CSMD1: variants seen among roughly 807,000 people sequenced by gnomAD.
CSMD1 encodes CUB and Sushi multiple domains 1.
In CSMD1, 213 loss-of-function variants were observed where a neutral mutation model predicts 417.5. The ratio of observed to expected loss-of-function variants is 0.51; its 90% confidence interval spans 0.46 to 0.57. CSMD1 has a LOEUF of 0.57. CSMD1 is among the 20% of genes least tolerant of loss of function. The pLI, the probability that CSMD1 is intolerant of heterozygous loss-of-function variation, is 0.00. For missense variants in CSMD1, 6,923 were observed against 4,529.7 expected (o/e 1.53, Z -15.17); for synonymous variants, 2,862 against 1,736.8 (o/e 1.65, Z -16.11).
chr8:3,041,030 GTAAA>G, intron 50 of CSMD1, among the ~76,000 whole-genome samples: 1 of 151,946 alleles, frequency 6.6e-6, no homozygotes, highest in African/African-American at 2.4e-5. Flanking sequence ...CTTCATATCG[GTAAA>G]TAAATTATCA....
intron 3 of CSMD1, among the ~76,000 whole-genome samples, chr8:4,212,722 T>C (rs562372793): frequency 2.3e-4 from 34 of 148,790 alleles, no homozygotes; most frequent in African/African-American, 8.6e-4. Context: ...TATGAAACAT[T>C]GTGAAAAGTT....
intron 18 of CSMD1, among the ~76,000 whole-genome samples, chr8:3,382,357 T>C (rs1241392129): frequency 1.4e-5 from 2 of 146,436 alleles, no homozygotes; most frequent in Non-Finnish European, 3.0e-5. Flanking sequence ...TGTATATTTA[T>C]TATTAGCATT....
chr8:3,490,416 T>C (rs143829647), intron 11 of CSMD1, among the ~76,000 whole-genome samples: 1 of 152,334 alleles, frequency 6.6e-6, no homozygotes, highest in East Asian at 1.9e-4. Flanking sequence ...AGGGATTTCA[T>C]AAGGCATTAC....
In CSMD1 at chr8:3,611,750, G is replaced by A. The variant is rs536264309; in HGVS notation, c.1097+4960C>T. The stretch of plus-strand genomic sequence containing the variant: ...TTTTGTAAATAATGTATAGGACAAT[G>A]TATAAATATTTGAAAGAACTCATAA... On this transcript the variant is annotated intron_variant, in intron 8 of 69. Transcript: ENST00000635120. Among the ~76,000 whole-genome samples the A allele has an allele frequency of 5.9e-5, 9 of 152,054 alleles. No homozygotes were observed. In the South Asian group the frequency reaches 1.2e-3, roughly 21 times the overall value.
intron 54 of CSMD1, among the ~76,000 whole-genome samples, chr8:2,991,844 A>G (rs1563213540): frequency 1.3e-5 from 2 of 152,188 alleles, no homozygotes; most frequent in African/African-American, 4.8e-5. Flanking sequence ...GCTGTTTTTA[A>G]TAAATTCCAC....
chr8:4,825,430 A>C lies in CSMD1; in HGVS notation c.85+168902T>G, dbSNP rs79793022. On this transcript the variant is annotated intron_variant, in intron 1 of 69. Coordinates refer to ENST00000635120, the MANE Select transcript of CSMD1 (RefSeq NM_033225.6). ...GATGGTGACTCTAGGCACAGTGTAG[A>C]CCAGCAGTTTTCTAGAACTTACTCA... Among the ~76,000 whole-genome samples, 314 of 152,186 alleles carry C rather than the reference A, an allele frequency of 2.1e-3. 4 individuals are homozygous for C. Among genetic ancestry groups the C allele is most frequent in the African/African-American group, 7.3e-3 (303 of 41,530 alleles).
At chr8:4,026,501 C>A (rs1218231942) in intron 4 of CSMD1, among the ~76,000 whole-genome samples, 1 of 152,100 alleles carries the variant, frequency 6.6e-6, no homozygotes. Context: ...AAGAAGAAAA[C>A]CACTGGAGGA....
intron 5 of CSMD1, among the ~76,000 whole-genome samples, chr8:3,858,008 G>T (rs1391488462): frequency 1.3e-5 from 2 of 152,202 alleles, no homozygotes; most frequent in African/African-American, 4.8e-5. Context: ...GCACAAGATT[G>T]CTCTGCACAT....
intron 5 of CSMD1, among the ~76,000 whole-genome samples, chr8:3,917,686 T>G (rs937181546): frequency 9.2e-5 from 14 of 152,134 alleles, no homozygotes; most frequent in African/African-American, 3.1e-4. Flanking sequence ...TGTAATGCCA[T>G]GAACTAGATT....
chr8:4,614,957 C>T (rs1190536525), intron 2 of CSMD1, among the ~76,000 whole-genome samples: 1 of 152,056 alleles, frequency 6.6e-6, no homozygotes, highest in Non-Finnish European at 1.5e-5. Context: ...TATGATTTGT[C>T]TGAAAAACAG....
At chr8:4,816,715 A>G (rs944270143) in intron 1 of CSMD1, among the ~76,000 whole-genome samples, 1 of 152,200 alleles carries the variant, frequency 6.6e-6, no homozygotes, top group Non-Finnish European at 1.5e-5. Flanking sequence ...AGTGATTTCC[A>G]GATGCAAAAA....
At chr8:3,589,382 GT>G (rs767497616) in intron 8 of CSMD1, among the ~76,000 whole-genome samples, 16 of 52,926 alleles carry the variant, frequency 3.0e-4, no homozygotes, top group African/African-American at 4.4e-4. Flanking sequence ...AAAATGTGGT[GT>G]GTGTGTGTGT....
intron 1 of CSMD1, among the ~76,000 whole-genome samples, chr8:4,785,320 T>A (rs997753655): frequency 6.6e-6 from 1 of 152,138 alleles, no homozygotes; most frequent in African/African-American, 2.4e-5. Context: ...TGCAAAGCAT[T>A]GGTGGAAGAC....
intron 1 of CSMD1, among the ~76,000 whole-genome samples, chr8:4,784,516 G>C (rs527721389): frequency 1.4e-4 from 21 of 152,304 alleles, no homozygotes; most frequent in African/African-American, 4.6e-4. Context: ...CACTGGATGA[G>C]AGGAGACAGA....
At chr8:3,149,235 C>G (rs945369560) in intron 40 of CSMD1, among the ~76,000 whole-genome samples, 5 of 152,056 alleles carry the variant, frequency 3.3e-5, no homozygotes, top group African/African-American at 1.2e-4. Flanking sequence ...AAATGATACC[C>G]TTCTCAGAAA....
At chr8:3,315,073 ACTAT>A (rs561935811) in intron 23 of CSMD1, among the ~76,000 whole-genome samples, 2 of 152,194 alleles carry the variant, frequency 1.3e-5, no homozygotes, top group African/African-American at 2.4e-5. Flanking sequence ...ACAAAAACAT[ACTAT>A]CTATCTGTTA....
chr8:3,691,984 C>T (rs1228558647), intron 7 of CSMD1, among the ~76,000 whole-genome samples: 1 of 152,124 alleles, frequency 6.6e-6, no homozygotes, highest in Admixed American at 6.5e-5. Context: ...GGTCTTTGTC[C>T]AGCTCATGAG....
At chr8:4,689,451 T>A (rs528838832) in intron 1 of CSMD1, among the ~76,000 whole-genome samples, 1 of 152,240 alleles carries the variant, frequency 6.6e-6, no homozygotes, top group Admixed American at 6.5e-5. Flanking sequence ...TATGCATTTA[T>A]ATTAGAAGGA....
intron 5 of CSMD1, among the ~76,000 whole-genome samples, chr8:3,780,602 C>G (rs747390524): frequency 1.3e-5 from 2 of 152,210 alleles, no homozygotes; most frequent in African/African-American, 4.8e-5. Context: ...TAATAATTCA[C>G]TACAACTGTC....
Sources: allele counts gnomAD v4.1 joint callset (sites outside exome capture counted in the v4.1 genomes callset), GRCh38; gene constraint gnomAD v4.1.1; transcripts MANE v1.5; gene names NCBI Gene and HGNC (gene_info 2026-07-23, HGNC 2026-07-21).